The following SEMA3D variants were observed in gnomAD, a reference collection of about 807,000 sequenced individuals.
The protein encoded by SEMA3D is semaphorin 3D.
Under a neutral mutation model 100.1 loss-of-function variants are expected in SEMA3D, and 84 were observed. The observed-to-expected ratio is 0.84, with a 90% CI of 0.70 to 1.01. The LOEUF (loss-of-function observed/expected upper bound fraction) is 1.01, where lower values mean the gene tolerates loss of function less well. Among genes scored for constraint, SEMA3D ranks in the 50% least tolerant of loss-of-function variants. SEMA3D has a pLI of 0.00. For synonymous variants in SEMA3D, 312 were observed against 320.7 expected (o/e 0.97, Z 0.29); for missense variants, 875 against 934.1 (o/e 0.94, Z 0.82).
At chr7:85,125,930 A>T (rs1200808292) in intron 2 of SEMA3D, among the ~76,000 whole-genome samples, 1 of 152,020 alleles carries the variant, frequency 6.6e-6, no homozygotes. Context: ...TGTCTGTAAC[A>T]AGCTTGACCT....
chr7:85,107,082 T>C (rs1157290319), intron 3 of SEMA3D, among the ~76,000 whole-genome samples: 4 of 152,074 alleles, frequency 2.6e-5, no homozygotes, highest in Non-Finnish European at 1.5e-5. Context: ...CTCGGTATTA[T>C]GAAATTTAAA....
intron 3 of SEMA3D, among the ~76,000 whole-genome samples, chr7:85,098,923 A>C (rs771061018): frequency 1.1e-4 from 17 of 151,814 alleles, no homozygotes; most frequent in Non-Finnish European, 1.5e-4. Context: ...AGTTTAAACC[A>C]TACATATGTT....
chr7:85,122,453 T>C (rs957059950), intron 2 of SEMA3D, among the ~76,000 whole-genome samples: 1 of 152,182 alleles, frequency 6.6e-6, no homozygotes, highest in Non-Finnish European at 1.5e-5. Context: ...TTATTTAACA[T>C]TTTTTCCTTG....
At chr7:85,000,028 T>TA (rs1005597714) in intron 18 of SEMA3D, among the ~76,000 whole-genome samples, 163 bp from the exon 19 acceptor site, 3 of 151,986 alleles carry the variant, frequency 2.0e-5, no homozygotes, top group African/African-American at 7.3e-5. Flanking sequence ...TTAAAAAGAG[T>TA]AAAAAAATTC....
chr7:85,047,796 G>C (rs923564830), intron 9 of SEMA3D, among the ~76,000 whole-genome samples: 10 of 151,808 alleles, frequency 6.6e-5, no homozygotes, highest in Non-Finnish European at 1.2e-4. Flanking sequence ...TTAAAAAATA[G>C]TTGATGCTGG....
chr7:85,107,570 G>T (rs1788967596), intron 3 of SEMA3D, among the ~76,000 whole-genome samples: 1 of 151,912 alleles, frequency 6.6e-6, no homozygotes, highest in Non-Finnish European at 1.5e-5. Context: ...CCCAAGTGTT[G>T]CAGTTTAGAA....
chr7:85,146,015 A>G (rs933871669), intron 2 of SEMA3D, among the ~76,000 whole-genome samples: 3 of 152,060 alleles, frequency 2.0e-5, no homozygotes, highest in Admixed American at 1.3e-4. Context: ...GAAACTTCAG[A>G]TATTTTTTTT....
the SEMA3D span, among the ~76,000 whole-genome samples, chr7:85,241,209 C>T: frequency 1.3e-4 from 19 of 151,824 alleles, no homozygotes; most frequent in South Asian, 4.2e-4. Flanking sequence ...CACATCTATA[C>T]GGCTAGTGGG....
chr7:85,066,696 G>C (rs915646697), intron 7 of SEMA3D, among the ~76,000 whole-genome samples: 1 of 151,828 alleles, frequency 6.6e-6, no homozygotes, highest in Non-Finnish European at 1.5e-5. Flanking sequence ...CTAAATATGA[G>C]AACAAATACA....
intron 18 of SEMA3D, among the ~76,000 whole-genome samples, chr7:85,006,182 A>T (rs891794819): frequency 4.6e-5 from 7 of 152,112 alleles, no homozygotes; most frequent in Non-Finnish European, 8.8e-5. Flanking sequence ...TGCATTTTGC[A>T]CTTAATTTTA....
chr7:85,192,038 A>C (rs1032751570), upstream of SEMA3D, among the ~76,000 whole-genome samples: 3 of 152,080 alleles, frequency 2.0e-5, no homozygotes, highest in Non-Finnish European at 4.4e-5. Flanking sequence ...GTGTATAATA[A>C]AGCATTTAAG....
chr7:85,107,382 G>T (rs1788960697), intron 3 of SEMA3D, among the ~76,000 whole-genome samples: 1 of 152,016 alleles, frequency 6.6e-6, no homozygotes, highest in South Asian at 2.1e-4. Flanking sequence ...TTTCAAGAGG[G>T]AAATTTAAAA....
chr7:85,150,379 T>TAC (rs1160114354), intron 2 of SEMA3D, among the ~76,000 whole-genome samples: 5 of 141,452 alleles, frequency 3.5e-5, no homozygotes, highest in Admixed American at 7.3e-5. Flanking sequence ...TATATATATA[T>TAC]ACACACACAC....
chr7:85,061,944 T>C (rs535828627), intron 8 of SEMA3D, among the ~76,000 whole-genome samples: 1 of 152,320 alleles, frequency 6.6e-6, no homozygotes, highest in South Asian at 2.1e-4. Context: ...TATCTGTCCC[T>C]GCTTCCTGCT....
rs1185284530 is a variant in SEMA3D at position 85,042,028 on chromosome 7, C to G, written c.976+143G>C. On this transcript the variant is annotated intron_variant, in intron 10 of 18. Transcript: ENST00000284136. ...ACCTAGAGCACTTCCGTGTACTTTGCGTGTGAATTTTAGTAAGAACCACTC... is the reference window on the plus strand; with the variant it reads ...ACCTAGAGCACTTCCGTGTACTTTGGGTGTGAATTTTAGTAAGAACCACTC... 11 of 670,186 alleles carry G rather than the reference C, an allele frequency of 1.6e-5. No homozygotes were observed. In the Admixed American group the frequency reaches 2.4e-4, roughly 15 times the overall value. 41.5% of individuals were successfully genotyped at this position (670,186 alleles called of 1,614,324 possible). A position where few individuals can be genotyped will look rare whatever the true frequency, so the allele number is the denominator to read the frequency against.
intron 12 of SEMA3D, among the ~76,000 whole-genome samples, chr7:85,026,242 A>G (rs1790387477): frequency 1.3e-5 from 2 of 152,056 alleles, no homozygotes; most frequent in South Asian, 4.1e-4. Flanking sequence ...AATGAACAGA[A>G]CTAGAGATAT....
chr7:85,202,645 G>GA, the SEMA3D span, among the ~76,000 whole-genome samples: 7 of 151,962 alleles, frequency 4.6e-5, no homozygotes, highest in African/African-American at 1.2e-4. Context: ...AAGTTTACAA[G>GA]AAAAAAGCAA....
chr7:85,203,242 T>G, the SEMA3D span, among the ~76,000 whole-genome samples: 2 of 152,226 alleles, frequency 1.3e-5, no homozygotes, highest in South Asian at 4.1e-4. Flanking sequence ...GCATCTTGTG[T>G]GTTTCTGTCT....
intron 4 of SEMA3D, among the ~76,000 whole-genome samples, chr7:85,089,385 C>T (rs575217737): frequency 1.3e-5 from 2 of 152,176 alleles, no homozygotes; most frequent in African/African-American, 2.4e-5. Flanking sequence ...TTCTAATAAC[C>T]AATCTGAAGT....
Sources: allele counts gnomAD v4.1 joint callset (sites outside exome capture counted in the v4.1 genomes callset), GRCh38; gene constraint gnomAD v4.1.1; transcripts MANE v1.5; gene names NCBI Gene and HGNC (gene_info 2026-07-23, HGNC 2026-07-21).